Variants in RAB38 observed in about 807,000 individuals in gnomAD.
The protein encoded by RAB38 is RAB38, member RAS oncogene family.
In RAB38, 15 loss-of-function variants were observed where a neutral mutation model predicts 18.4. The observed-to-expected ratio is 0.82, with a 90% CI of 0.55 to 1.26. The LOEUF (loss-of-function observed/expected upper bound fraction) is 1.26. Ranked by LOEUF, RAB38 falls within the 50% of genes most tolerant of loss-of-function variation. The pLI, the probability that RAB38 is intolerant of heterozygous loss-of-function variation, is 0.00. For missense variants in RAB38, 294 were observed against 267.4 expected, an observed-to-expected ratio of 1.10 and a Z score of -0.69; for synonymous variants, 101 against 104.4, an observed-to-expected ratio of 0.97 and a Z score of 0.20.
the RAB38 span, among the ~76,000 whole-genome samples, chr11:88,051,375 C>A: frequency 6.6e-6 from 1 of 151,822 alleles, no homozygotes; most frequent in Middle Eastern, 3.4e-3. Context: ...ACCTCCAAAT[C>A]CTTGACAACT....
the RAB38 span, among the ~76,000 whole-genome samples, chr11:87,821,786 G>C: frequency 6.6e-6 from 1 of 150,770 alleles, no homozygotes; most frequent in Admixed American, 6.6e-5. Flanking sequence ...GGTGGGCAGA[G>C]ATTGCAGTGA....
the RAB38 span, among the ~76,000 whole-genome samples, chr11:87,913,781 C>T: frequency 1.8e-4 from 28 of 152,140 alleles, no homozygotes; most frequent in Non-Finnish European, 2.6e-4. Context: ...TTTGCCTCTT[C>T]GCATATATCT....
intron 2 of RAB38, among the ~76,000 whole-genome samples, chr11:88,131,832 A>G (rs1942770528): frequency 6.6e-6 from 1 of 152,210 alleles, no homozygotes; most frequent in African/African-American, 2.4e-5. Context: ...TCCCTTTCAT[A>G]AGACTTCACT....
the RAB38 span, among the ~76,000 whole-genome samples, chr11:88,068,536 CTTT>C: frequency 6.6e-6 from 1 of 152,238 alleles, no homozygotes; most frequent in East Asian, 1.9e-4. Flanking sequence ...CTATACATTT[CTTT>C]TTATTCAACT....
At chr11:87,949,838 G>T in the RAB38 span, among the ~76,000 whole-genome samples, 2 of 152,114 alleles carry the variant, frequency 1.3e-5, no homozygotes, top group African/African-American at 4.8e-5. Context: ...AGTAGGTGTG[G>T]TGTGGTGCTG....
At chr11:87,833,665 A>AAACTG in the RAB38 span, among the ~76,000 whole-genome samples, 12 of 152,230 alleles carry the variant, frequency 7.9e-5, no homozygotes, top group African/African-American at 2.7e-4. Flanking sequence ...ACAGGTGAAG[A>AAACTG]AACTGAAGTA....
chr11:87,860,254 C>T, the RAB38 span, among the ~76,000 whole-genome samples: 1 of 151,926 alleles, frequency 6.6e-6, no homozygotes, highest in Non-Finnish European at 1.5e-5. Flanking sequence ...AGCAACATGA[C>T]TTTAGTTTAA....
At chr11:88,173,785 T>C (rs1258842429) in intron 1 of RAB38, 3 of 985,276 alleles carry the variant, frequency 3.0e-6, no homozygotes, top group East Asian at 1.1e-4. Context: ...ACCCCCTTGC[T>C]ACTAGAGCAG....
the RAB38 span, among the ~76,000 whole-genome samples, chr11:88,035,739 T>G: frequency 6.6e-6 from 1 of 152,232 alleles, no homozygotes; most frequent in Non-Finnish European, 1.5e-5. Context: ...AACTCCAATT[T>G]TTGGGGACAT....
the RAB38 span, among the ~76,000 whole-genome samples, chr11:88,082,538 G>A: frequency 6.6e-6 from 1 of 151,636 alleles, no homozygotes; most frequent in South Asian, 2.1e-4. Flanking sequence ...TCTCAAATAT[G>A]CATCTCCCGC....
At chr11:88,075,419 G>C in the RAB38 span, among the ~76,000 whole-genome samples, 1 of 152,010 alleles carries the variant, frequency 6.6e-6, no homozygotes, top group Non-Finnish European at 1.5e-5. Flanking sequence ...CAAAAACATG[G>C]AAATTAAACA....
At chr11:88,159,199 C>A (rs1565219843) in intron 1 of RAB38, among the ~76,000 whole-genome samples, 2 of 142,308 alleles carry the variant, frequency 1.4e-5, no homozygotes, top group South Asian at 2.2e-4. Context: ...ACAATAGCAG[C>A]AATAAATAAA....
At chr11:88,122,558 G>A (rs1346880739) in intron 2 of RAB38, among the ~76,000 whole-genome samples, 1 of 152,066 alleles carries the variant, frequency 6.6e-6, no homozygotes, top group African/African-American at 2.4e-5. Flanking sequence ...CTTTATTATT[G>A]AACACTTAGG....
intron 1 of RAB38, among the ~76,000 whole-genome samples, chr11:88,159,315 T>C (rs1459259335): frequency 6.6e-6 from 1 of 150,848 alleles, no homozygotes; most frequent in Admixed American, 6.6e-5. Context: ...TATGAAACAC[T>C]ACTAAAAACA....
the RAB38 span, chr11:88,062,100 C>G: frequency 6.6e-6 from 1 of 151,822 alleles, no homozygotes; most frequent in East Asian, 1.9e-4. Flanking sequence ...ATAGATTTGG[C>G]AGTTAAATAC....
the RAB38 span, among the ~76,000 whole-genome samples, chr11:88,041,651 C>T: frequency 6.6e-6 from 1 of 152,204 alleles, no homozygotes; most frequent in African/African-American, 2.4e-5. Flanking sequence ...CAGCACATGC[C>T]TAGCCCGTGA....
the RAB38 span, among the ~76,000 whole-genome samples, chr11:87,972,566 T>C: frequency 1.3e-5 from 2 of 151,998 alleles, no homozygotes; most frequent in African/African-American, 4.8e-5. Context: ...CTCTCTGAAG[T>C]ACAATAGACC....
chr11:88,084,053 A>C, the RAB38 span, among the ~76,000 whole-genome samples: 2 of 151,938 alleles, frequency 1.3e-5, no homozygotes, highest in Non-Finnish European at 2.9e-5. Flanking sequence ...ATTGAATAAG[A>C]ATATTAAATG....
chr11:88,074,444 C>CT, the RAB38 span, among the ~76,000 whole-genome samples: 4 of 152,098 alleles, frequency 2.6e-5, no homozygotes, highest in Non-Finnish European at 4.4e-5. Flanking sequence ...TGTTGATATT[C>CT]TTTTCTTTCT....
Sources: gnomAD v4.1 joint callset for allele counts (sites outside exome capture counted in the v4.1 genomes callset) on GRCh38, gnomAD v4.1.1 for gene constraint, MANE v1.5 for transcripts, NCBI Gene and HGNC (gene_info 2026-07-23, HGNC 2026-07-21) for gene names.